The following GBE1 variants were observed in gnomAD, a reference collection of about 807,000 sequenced individuals.
GBE1 encodes the protein 1,4-alpha-glucan-branching enzyme.
In GBE1, 70 loss-of-function variants were observed where a neutral mutation model predicts 88.8. The observed-to-expected ratio is 0.79, with a 90% confidence interval of 0.65 to 0.96. GBE1 has a LOEUF of 0.96. GBE1 is among the 40% of genes least tolerant of loss of function. GBE1 has a pLI of 0.00. For synonymous variants in GBE1, 284 were observed against 300.1 expected (o/e 0.95, Z 0.56); for missense variants, 872 against 871.0 (o/e 1.00, Z -0.01).
chr3:81,664,286 A>C (rs1392205464), intron 3 of GBE1, among the ~76,000 whole-genome samples: 3 of 152,084 alleles, frequency 2.0e-5, no homozygotes, highest in African/African-American at 7.2e-5. Flanking sequence ...GAATATCAGA[A>C]AGTTTGGAAT....
At chr3:81,569,919 A>T (rs990268781) in intron 12 of GBE1, among the ~76,000 whole-genome samples, 1 of 151,946 alleles carries the variant, frequency 6.6e-6, no homozygotes, top group South Asian at 2.1e-4. Flanking sequence ...GGTTCAAGAG[A>T]TTCTCTGCCT....
chr3:81,513,340 A>G (rs374703171), intron 14 of GBE1, among the ~76,000 whole-genome samples: 313 of 151,816 alleles, frequency 2.1e-3, no homozygotes, highest in African/African-American at 7.3e-3. Context: ...TTAACAGGGA[A>G]CAGAAGAGTT....
At chr3:81,750,157 C>T (rs968768510) in intron 1 of GBE1, among the ~76,000 whole-genome samples, 1 of 151,964 alleles carries the variant, frequency 6.6e-6, no homozygotes, top group Non-Finnish European at 1.5e-5. Flanking sequence ...AAAAAGCAAA[C>T]AGGTAAACAA....
chr3:81,608,937 C>T (rs887205005), intron 7 of GBE1, among the ~76,000 whole-genome samples: 4 of 152,050 alleles, frequency 2.6e-5, no homozygotes, highest in Non-Finnish European at 4.4e-5. Flanking sequence ...CATAAGGAAA[C>T]GTTGACTCAA....
At chr3:81,546,314 C>T (rs1703204477) in intron 12 of GBE1, among the ~76,000 whole-genome samples, 1 of 152,030 alleles carries the variant, frequency 6.6e-6, no homozygotes, top group South Asian at 2.1e-4. Flanking sequence ...AGGCAACAGT[C>T]CTGATGAGAA....
chr3:81,705,583 G>C lies in GBE1; in HGVS notation c.174C>G (p.Asn58Lys). ...RYKQFSQILK[N>K]IGENEGGIDK... ...CAATACCACCTTCATTTTCTCCAAT[G>C]TTCTTCAAAATTTGGCTAAACTGCT... Residue 58 changes from asparagine (N) to lysine (K), a missense_variant, in exon 2 of 16, where the codon AAC becomes AAG. Coordinates refer to ENST00000429644, the MANE Select transcript of GBE1 (RefSeq NM_000158.4). 1 of 1,570,184 alleles carries C rather than the reference G, an allele frequency of 6.4e-7. No individual in the cohort carries two copies. Among genetic ancestry groups the C allele is most frequent in the Non-Finnish European group, 8.6e-7 (1 of 1,156,852 alleles).
At chr3:81,720,378 A>ATATCT (rs2107188830) in intron 1 of GBE1, among the ~76,000 whole-genome samples, 1 of 150,630 alleles carries the variant, frequency 6.6e-6, no homozygotes, top group Non-Finnish European at 1.5e-5. Flanking sequence ...ATATATATAT[A>ATATCT]TATCTTATAT....
intron 9 of GBE1, among the ~76,000 whole-genome samples, chr3:81,586,408 T>A (rs1037129637): frequency 6.6e-6 from 1 of 152,232 alleles, no homozygotes; most frequent in East Asian, 1.9e-4. Flanking sequence ...ATGAAGCTAT[T>A]TATTTCTTTT....
rs73853352 is a variant in GBE1, at chr3:81,570,749, A to G, written c.1618+7176T>C. Among the ~76,000 whole-genome samples the G allele has an allele frequency of 8.1e-3, 1,241 of 152,276 alleles. 24 individuals are homozygous for G. The highest frequency in any genetic ancestry group is 0.029 in the African/African-American group (1,187 of 41,552). ...CTATAAGTTCATTGATCATGTGTAT[A>G]CAGTATGTCTTTAAAAGCCTGAATT... On this transcript the variant is annotated intron_variant, in intron 12 of 15. Transcript: ENST00000429644.
At chr3:81,651,316 C>G (rs1222151330) in intron 3 of GBE1, among the ~76,000 whole-genome samples, 3 of 152,160 alleles carry the variant, frequency 2.0e-5, no homozygotes, top group African/African-American at 7.2e-5. Context: ...GCTTCTAATA[C>G]TCACTTCTCT....
intron 2 of GBE1, among the ~76,000 whole-genome samples, chr3:81,698,131 A>C (rs979905494): frequency 2.0e-5 from 3 of 150,800 alleles, no homozygotes; most frequent in Middle Eastern, 3.5e-3. Context: ...AAATCCCAGA[A>C]GGTAAAGATG....
intron 1 of GBE1, among the ~76,000 whole-genome samples, chr3:81,739,170 T>C (rs1268372840): frequency 1.3e-5 from 2 of 152,124 alleles, no homozygotes; most frequent in Admixed American, 1.3e-4. Context: ...GGGGTTAGGA[T>C]TCCAATATAT....
At chr3:81,647,465 C>A (rs1181355267) in intron 5 of GBE1, among the ~76,000 whole-genome samples, 4 of 151,944 alleles carry the variant, frequency 2.6e-5, no homozygotes, top group Admixed American at 6.6e-5. Context: ...AAATCCGTAA[C>A]ATTAAAAAAA....
chr3:81,611,808 ATTAG>A (rs1373394212), intron 7 of GBE1, among the ~76,000 whole-genome samples: 1 of 152,220 alleles, frequency 6.6e-6, no homozygotes, highest in Non-Finnish European at 1.5e-5. Context: ...AATGAATAGC[ATTAG>A]TTAGTAGAAG....
intron 3 of GBE1, among the ~76,000 whole-genome samples, chr3:81,653,482 T>C (rs566634005): frequency 5.7e-4 from 86 of 151,556 alleles, no homozygotes; most frequent in Admixed American, 4.0e-3. Context: ...AAAGACCCTG[T>C]CTACAAAAAA....
intron 12 of GBE1, among the ~76,000 whole-genome samples, chr3:81,573,615 C>A (rs1703604091): frequency 6.6e-6 from 1 of 152,152 alleles, no homozygotes; most frequent in East Asian, 1.9e-4. Context: ...ATCATAGATA[C>A]ATATAAATGT....
intron 12 of GBE1, among the ~76,000 whole-genome samples, chr3:81,556,186 T>C (rs757278275): frequency 5.9e-5 from 9 of 152,122 alleles, no homozygotes; most frequent in Non-Finnish European, 1.0e-4. Flanking sequence ...AGACTTAAAA[T>C]AAAATATGCT....
intron 14 of GBE1, among the ~76,000 whole-genome samples, chr3:81,534,329 C>T (rs9866225): frequency 0.16 from 23,890 of 151,872 alleles, 1,988 homozygotes; most frequent in Non-Finnish European, 0.21. Flanking sequence ...AGCTCTATGA[C>T]GGCAGTGACT....
chr3:81,601,098 T>C (rs187741022), intron 7 of GBE1, among the ~76,000 whole-genome samples: 2 of 152,244 alleles, frequency 1.3e-5, no homozygotes, highest in East Asian at 3.9e-4. Context: ...AGGAGCTAGC[T>C]TTCAATGGGC....
Sources: gnomAD v4.1 joint callset for allele counts (sites outside exome capture counted in the v4.1 genomes callset) on GRCh38, gnomAD v4.1.1 for gene constraint, MANE v1.5 for transcripts, NCBI Gene and HGNC (gene_info 2026-07-23, HGNC 2026-07-21) for gene names.